Variants in CNTNAP4 observed in about 807,000 individuals in gnomAD.
The protein encoded by CNTNAP4 is contactin associated protein family member 4.
In CNTNAP4, 98 loss-of-function variants were observed where a neutral mutation model predicts 148.4. That is an observed-to-expected ratio of 0.66 (90% CI 0.56 to 0.78). CNTNAP4 has a LOEUF of 0.78. CNTNAP4 is among the 30% of genes least tolerant of loss of function. The pLI is 0.00. For synonymous variants in CNTNAP4, 730 were observed against 565.1 expected (o/e 1.29, Z -4.14); for missense variants, 1,935 against 1,565.6 (o/e 1.24, Z -3.98).
At chr16:76,382,060 CAAAAAAAAAAAAA>C (rs67028367) in intron 3 of CNTNAP4, among the ~76,000 whole-genome samples, 13 of 53,332 alleles carry the variant, frequency 2.4e-4, no homozygotes, top group East Asian at 1.2e-3. Flanking sequence ...GACTCCGTCT[CAAAAAAAAAAAAA>C]AAAAAAAAAA....
chr16:76,410,095 G>C (rs956532902), intron 3 of CNTNAP4, among the ~76,000 whole-genome samples: 1 of 136,508 alleles, frequency 7.3e-6, no homozygotes, highest in African/African-American at 2.4e-5. Flanking sequence ...TAAGAGCCAG[G>C]ATTGTCTTAT....
chr16:76,291,835 C>T (rs893930781), intron 1 of CNTNAP4, among the ~76,000 whole-genome samples: 2 of 152,184 alleles, frequency 1.3e-5, no homozygotes, highest in African/African-American at 2.4e-5. Flanking sequence ...AGAACTGGGA[C>T]AGATGCTTGC....
intron 2 of CNTNAP4, among the ~76,000 whole-genome samples, chr16:76,354,470 T>C (rs1318133654): frequency 6.6e-6 from 1 of 152,156 alleles, no homozygotes; most frequent in Non-Finnish European, 1.5e-5. Flanking sequence ...TTGGTTCTCT[T>C]TTCCCCCATC....
intron 18 of CNTNAP4, among the ~76,000 whole-genome samples, chr16:76,536,040 G>T (rs1317834915): frequency 6.6e-6 from 1 of 152,064 alleles, no homozygotes; most frequent in Non-Finnish European, 1.5e-5. Context: ...TTTGTTGATG[G>T]TAAATCCATT....
intron 3 of CNTNAP4, among the ~76,000 whole-genome samples, chr16:76,402,359 G>A (rs1568016782): frequency 6.6e-6 from 1 of 151,470 alleles, no homozygotes; most frequent in Non-Finnish European, 1.5e-5. Context: ...CTGATGTTTG[G>A]TGTTTTTTTT....
At position 76,545,416 on chromosome 16, in the gene CNTNAP4, A is replaced by G. The variant is rs183542950; in HGVS notation, c.3442+4626A>G. 9.5e-4 allele frequency among the ~76,000 whole-genome samples: 144 copies of G among 152,334 alleles called. 3 individuals are homozygous for G. The highest frequency in any genetic ancestry group is 3.2e-3 in the African/African-American group (133 of 41,586). Reference sequence around the variant, plus strand: ...GAAAGAATCACATTACCTGATTTTAATAGTAGAACAAATGATAACTTGGAA... The same window carrying G: ...GAAAGAATCACATTACCTGATTTTAGTAGTAGAACAAATGATAACTTGGAA... On this transcript the variant is annotated intron_variant, in intron 21 of 23. Transcript: ENST00000611870.
intron 1 of CNTNAP4, among the ~76,000 whole-genome samples, chr16:76,282,142 C>G (rs1311588695): frequency 1.3e-5 from 2 of 151,768 alleles, no homozygotes; most frequent in South Asian, 4.1e-4. Flanking sequence ...TATATACTTG[C>G]AGAGTTGTGG....
chr16:76,396,309 C>T (rs1597411895), intron 3 of CNTNAP4, among the ~76,000 whole-genome samples: 1 of 152,132 alleles, frequency 6.6e-6, no homozygotes, highest in African/African-American at 2.4e-5. Context: ...TGCTCACAAG[C>T]CAGACACCAC....
intron 2 of CNTNAP4, among the ~76,000 whole-genome samples, chr16:76,349,849 C>T (rs1171165316): frequency 2.6e-4 from 39 of 151,944 alleles, no homozygotes; most frequent in Admixed American, 2.5e-3. Context: ...TCTCTGCAGT[C>T]TCTACTTGAA....
chr16:76,475,196 C>T (rs997598100), intron 10 of CNTNAP4, among the ~76,000 whole-genome samples: 9 of 152,090 alleles, frequency 5.9e-5, no homozygotes, highest in African/African-American at 1.7e-4. Flanking sequence ...AATGAGACTC[C>T]AGTAGCCTCA....
At chr16:76,422,048 C>T (rs543619904) in intron 3 of CNTNAP4, among the ~76,000 whole-genome samples, 2 of 152,142 alleles carry the variant, frequency 1.3e-5, no homozygotes, top group Non-Finnish European at 2.9e-5. Context: ...GCTATTATGC[C>T]TCTTCATAAA....
intron 1 of CNTNAP4, among the ~76,000 whole-genome samples, chr16:76,298,837 C>T (rs1300948104): frequency 6.6e-6 from 1 of 151,866 alleles, no homozygotes; most frequent in Admixed American, 6.6e-5. Flanking sequence ...GGGTGGTGGA[C>T]GTTTAATACC....
At chr16:76,481,743 A>G (rs554411921) in intron 12 of CNTNAP4, among the ~76,000 whole-genome samples, 1 of 152,324 alleles carries the variant, frequency 6.6e-6, no homozygotes, top group South Asian at 2.1e-4. Flanking sequence ...GAGATTTGGT[A>G]CTTAAAATTG....
At chr16:76,325,171 G>A (rs1422236511) in intron 2 of CNTNAP4, among the ~76,000 whole-genome samples, 1 of 152,028 alleles carries the variant, frequency 6.6e-6, no homozygotes, top group Non-Finnish European at 1.5e-5. Context: ...AGTACATACA[G>A]AAATACAAAA....
At chr16:76,307,539 T>TAC (rs1555518792) in intron 1 of CNTNAP4, among the ~76,000 whole-genome samples, 3,802 of 119,162 alleles carry the variant, frequency 0.032, 293 homozygotes, top group East Asian at 0.064. Context: ...TATATATATA[T>TAC]ACCAAACTCC....
intron 3 of CNTNAP4, among the ~76,000 whole-genome samples, chr16:76,360,777 A>G (rs147796459): frequency 3.6e-4 from 54 of 151,140 alleles, no homozygotes; most frequent in African/African-American, 1.2e-3. Context: ...GCTTTTGAAA[A>G]TGATTAACCT....
At chr16:76,323,469 T>A (rs1159130825) in intron 2 of CNTNAP4, among the ~76,000 whole-genome samples, 1 of 152,146 alleles carries the variant, frequency 6.6e-6, no homozygotes, top group African/African-American at 2.4e-5. Flanking sequence ...CTTGAGAAGG[T>A]GAAATAAAAA....
At chr16:76,519,246 A>G (rs2083367679) in intron 15 of CNTNAP4, among the ~76,000 whole-genome samples, 1 of 152,178 alleles carries the variant, frequency 6.6e-6, no homozygotes, top group African/African-American at 2.4e-5. Context: ...AGACATTATT[A>G]TGTATATGAG....
At chr16:76,335,833 G>A (rs577294296) in intron 2 of CNTNAP4, among the ~76,000 whole-genome samples, 1 of 152,258 alleles carries the variant, frequency 6.6e-6, no homozygotes, top group East Asian at 1.9e-4. Flanking sequence ...CAGTGCTGTT[G>A]GCAAGGTCTC....
Sources: gnomAD v4.1 joint callset for allele counts (sites outside exome capture counted in the v4.1 genomes callset) on GRCh38, gnomAD v4.1.1 for gene constraint, MANE v1.5 for transcripts, NCBI Gene and HGNC (gene_info 2026-07-23, HGNC 2026-07-21) for gene names.